The following SLC17A3 variants were observed in gnomAD, a reference collection of about 807,000 sequenced individuals.
SLC17A3 encodes solute carrier family 17 member 3.
A neutral mutation model predicts 60.3 loss-of-function variants in SLC17A3; 61 were observed. That is an observed-to-expected ratio of 1.01 (90% CI 0.82 to 1.25). The LOEUF (loss-of-function observed/expected upper bound fraction) is 1.25. Among genes scored for constraint, SLC17A3 ranks in the 50% most tolerant of loss-of-function variants. The pLI, the probability that SLC17A3 is intolerant of heterozygous loss-of-function variation, is 0.00. For synonymous variants in SLC17A3, 192 were observed against 208.9 expected (o/e 0.92, Z 0.70); for missense variants, 624 against 594.9 (o/e 1.05, Z -0.51).
intron 2 of SLC17A3, among the ~76,000 whole-genome samples, chr6:25,866,745 A>C (rs1765542149): frequency 6.6e-6 from 1 of 151,978 alleles, no homozygotes; most frequent in Admixed American, 6.6e-5. Flanking sequence ...AAATCTAAGG[A>C]ACAATAGAAA....
At chr6:25,867,409 G>T (rs903366795) in intron 2 of SLC17A3, among the ~76,000 whole-genome samples, 31 of 151,836 alleles carry the variant, frequency 2.0e-4, no homozygotes, top group African/African-American at 7.5e-4. Context: ...AAAAACTAAC[G>T]TCTCTGTAGT....
intron 1 of SLC17A3, among the ~76,000 whole-genome samples, chr6:25,873,081 C>T (rs1765671321): frequency 6.6e-6 from 1 of 151,984 alleles, no homozygotes; most frequent in Non-Finnish European, 1.5e-5. Flanking sequence ...CTTCCCACAC[C>T]CTGGGGCTAT....
intron 5 of SLC17A3, among the ~76,000 whole-genome samples, chr6:25,858,922 G>A (rs1378559188): frequency 6.6e-6 from 1 of 152,052 alleles, no homozygotes; most frequent in Non-Finnish European, 1.5e-5. Context: ...TATCTAAAGT[G>A]TATTTGTTTT....
At chr6:25,858,795 T>C (rs964867917) in intron 5 of SLC17A3, among the ~76,000 whole-genome samples, 7 of 152,224 alleles carry the variant, frequency 4.6e-5, no homozygotes, top group African/African-American at 9.6e-5. Flanking sequence ...TTGATTTACA[T>C]TGGCTTATTT....
At position 25,861,707 on chromosome 6, in the gene SLC17A3, G is replaced by C; in HGVS notation, c.542C>G (p.Ser181Ter). ...AATTGCAAACTGACCCCCAAGTATT[G>C]AGGACTGAAATTAAAATGATTAGAG... ...TRIVQGLSQS[S>*]ILGGQFAIWE... The change falls in exon 5 of 13, where the codon TCA (serine) becomes TGA (stop). Residue 181 changes from serine to a stop codon, truncating the protein, a stop_gained. Coordinates refer to ENST00000397060, the MANE Select transcript of SLC17A3 (RefSeq NM_001098486.2). LOFTEE classifies it high-confidence loss of function. 1.2e-6 allele frequency: 2 copies of C among 1,613,836 alleles called. No homozygotes were observed. Among genetic ancestry groups the C allele is most frequent in the Non-Finnish European group, 1.7e-6 (2 of 1,179,742 alleles).
rs145299594 is a variant in SLC17A3, at chr6:25,852,486, A to G, written c.713-1609T>C. The stretch of plus-strand genomic sequence containing the variant: ...ACTTTTCTGTTTTGGGCACTCCACA[A>G]CTTACTGATGTTCTCATTTTAATAT... On this transcript the variant is annotated intron_variant, in intron 6 of 12. Transcript: ENST00000397060. 9.0e-4 allele frequency among the ~76,000 whole-genome samples: 137 copies of G among 151,970 alleles called. No individual in the cohort carries two copies. In the East Asian group the frequency reaches 0.024, roughly 26 times the overall value.
At chr6:25,849,534 G>C (rs1765235115) in intron 10 of SLC17A3, 70 bp from the exon 11 acceptor site, 2 of 928,394 alleles carry the variant, frequency 2.2e-6, no homozygotes, top group Non-Finnish European at 3.6e-6. Context: ...CCTGATCCAT[G>C]TATGAATCTA....
chr6:25,866,923 T>C (rs940626370), intron 2 of SLC17A3, among the ~76,000 whole-genome samples: 1 of 151,970 alleles, frequency 6.6e-6, no homozygotes, highest in African/African-American at 2.4e-5. Flanking sequence ...AATACAATAA[T>C]ACTGCATTTT....
rs1164665860 is a variant in SLC17A3, at chr6:25,861,810, G to A, written c.523C>T (p.Gln175Ter). Reference sequence around the variant, plus strand: ...ATATTGGGTACCTGGCTTAGGCCCTGGACTATTCGAGTTACAATGAGCAAG... The same window carrying A: ...ATATTGGGTACCTGGCTTAGGCCCTAGACTATTCGAGTTACAATGAGCAAG... ...IVLLIVTRIVQGLSQSSILGG... is the reference protein window; with the variant it reads ...IVLLIVTRIV Residue 175 changes from glutamine (Q) to a stop codon, truncating the protein, a stop_gained, in exon 4 of 13, where the codon CAG becomes TAG. Coordinates refer to ENST00000397060, the MANE Select transcript of SLC17A3 (RefSeq NM_001098486.2). LOFTEE classifies it high-confidence loss of function. 2.5e-6 allele frequency: 4 copies of A among 1,613,218 alleles called. No homozygotes were observed. The Admixed American group carries it at 6.7e-5, about 27-fold the overall frequency.
rs1320635296 is a variant in SLC17A3, at chr6:25,850,137, A to C, written c.1034T>G (p.Val345Gly). ...LSALPFIVAWVIGMVGGYLAD... is the reference protein window; with the variant it reads ...LSALPFIVAWGIGMVGGYLAD... ...CAGATAGCCTCCCACCATGCCTATG[A>C]CCCAGGCAACAATAAAAGGAAGGGC... The change falls in exon 9 of 13, where the codon GTC (valine) becomes GGC (glycine). Residue 345 changes from valine to glycine, a missense_variant. Coordinates refer to ENST00000397060, the MANE Select transcript of SLC17A3 (RefSeq NM_001098486.2). The C allele has an allele frequency of 1.9e-6, 3 of 1,613,396 alleles. No homozygotes were observed. The highest frequency in any genetic ancestry group is 2.5e-6 in the Non-Finnish European group (3 of 1,179,362).
chr6:25,850,647 G>A (rs79166751), intron 7 of SLC17A3, 27 bp from the exon 8 acceptor site: 103 of 1,613,228 alleles, frequency 6.4e-5, no homozygotes, highest in African/African-American at 5.7e-4. Context: ...TGGTCATAAC[G>A]GTAAATCCGA....
intron 1 of SLC17A3, 45 bp downstream of exon 1, chr6:25,874,122 A>AGAGTTTT (rs1294091309): frequency 6.6e-6 from 1 of 152,066 alleles, no homozygotes; most frequent in African/African-American, 2.4e-5. Flanking sequence ...TATACAGAAA[A>AGAGTTTT]GAGTTTTGGA....
At chr6:25,849,979 A>T (rs752413438) in intron 9 of SLC17A3, 27 bp from the exon 10 acceptor site, 1 of 1,614,000 alleles carries the variant, frequency 6.2e-7, no homozygotes, top group Admixed American at 1.7e-5. Flanking sequence ...AAACCAATTA[A>T]ACAGTGAGAT....
chr6:25,848,291 G>A (rs1765212270), intron 11 of SLC17A3, among the ~76,000 whole-genome samples: 1 of 152,152 alleles, frequency 6.6e-6, no homozygotes, highest in Non-Finnish European at 1.5e-5. Flanking sequence ...TCAAACAGTA[G>A]TTCTACTTTT....
At chr6:25,869,902 A>C (rs529298507) in intron 1 of SLC17A3, among the ~76,000 whole-genome samples, 1 of 152,162 alleles carries the variant, frequency 6.6e-6, no homozygotes, top group African/African-American at 2.4e-5. Flanking sequence ...ACTCAGTATA[A>C]TTATTCTAAA....
chr6:25,862,311 C>G lies in SLC17A3; in HGVS notation c.225G>C (p.Gln75His), dbSNP rs1449560610. The G allele has an allele frequency of 6.2e-7, 1 of 1,613,688 alleles. No homozygotes were observed. Among genetic ancestry groups the G allele is most frequent in the Non-Finnish European group, 8.5e-7 (1 of 1,179,826 alleles). The change falls in exon 3 of 13, where the codon CAG becomes CAC. Residue 75 changes from glutamine to histidine, a missense_variant. Coordinates refer to ENST00000397060, the MANE Select transcript of SLC17A3 (RefSeq NM_001098486.2). ...GCAGCACCTCAGAGGAATCATTGAG[C>G]TGGGATTGAGGGCTTGTGCTGTTGA... ...AMVNSTSPQSQLNDSSEVLPV... is the reference protein window; with the variant it reads ...AMVNSTSPQSHLNDSSEVLPV...
intron 6 of SLC17A3, among the ~76,000 whole-genome samples, chr6:25,854,604 A>T (rs539633319): frequency 6.6e-5 from 10 of 152,354 alleles, no homozygotes; most frequent in African/African-American, 2.2e-4. Flanking sequence ...TGTAAAAGCT[A>T]CTAAAGTGGA....
At chr6:25,849,726 A>C in intron 10 of SLC17A3, 79 bp downstream of exon 10, 1 of 1,483,462 alleles carries the variant, frequency 6.7e-7, no homozygotes, top group Non-Finnish European at 9.4e-7. Flanking sequence ...TTCATTTCCT[A>C]AGTTTGGGGA....
At chr6:25,859,393 T>A (rs1408271) in intron 5 of SLC17A3, among the ~76,000 whole-genome samples, 44,352 of 152,020 alleles carry the variant, frequency 0.29, 7,039 homozygotes, top group East Asian at 0.67. Flanking sequence ...AATCTTGAAA[T>A]CAGCTATGGT....
Sources: allele counts gnomAD v4.1 joint callset (sites outside exome capture counted in the v4.1 genomes callset), GRCh38; gene constraint gnomAD v4.1.1; transcripts MANE v1.5; gene names NCBI Gene and HGNC (gene_info 2026-07-23, HGNC 2026-07-21).